Variants in ARMCX4 observed in about 807,000 individuals in gnomAD.
ARMCX4 encodes armadillo repeat-containing X-linked protein 4.
A neutral mutation model predicts 34.7 loss-of-function variants in ARMCX4; 3 were observed. The observed-to-expected ratio is 0.09, with a 90% CI of 0.04 to 0.22. The LOEUF is 0.22. Ranked by LOEUF, ARMCX4 falls within the 10% of genes least tolerant of loss-of-function variation. The pLI is 1.00. For missense variants in ARMCX4, 1,448 were observed against 1,720.8 expected, an observed-to-expected ratio of 0.84 and a Z score of 2.81; for synonymous variants, 513 against 632.8, an observed-to-expected ratio of 0.81 and a Z score of 2.84.
intron 3 of ARMCX4, among the ~76,000 whole-genome samples, chrX:101,445,286 TC>T (rs1256790378): frequency 1.2e-4 from 13 of 111,647 alleles, no homozygotes; most frequent in African/African-American, 2.9e-4. Context: ...CAGTCAAAGC[TC>T]CCCCCACTAT....
chrX:101,461,061 A>T (rs782213806), intron 4 of ARMCX4, among the ~76,000 whole-genome samples: 1 of 112,159 alleles, frequency 8.9e-6, no homozygotes, highest in Non-Finnish European at 1.9e-5. Context: ...GAACTGTTTT[A>T]TTTATTTATT....
At chrX:101,437,761 C>T (rs782371291) in intron 2 of ARMCX4, among the ~76,000 whole-genome samples, 1 of 111,836 alleles carries the variant, frequency 8.9e-6, no homozygotes, top group East Asian at 2.8e-4. Context: ...TAGATATTTC[C>T]TGCTTTCTCT....
At chrX:101,466,439 T>C (rs1932793009) in intron 4 of ARMCX4, among the ~76,000 whole-genome samples, 1 of 111,881 alleles carries the variant, frequency 8.9e-6, no homozygotes, top group Non-Finnish European at 1.9e-5. Flanking sequence ...CATGCAAATA[T>C]TTATAGCAGC....
intron 2 of ARMCX4, among the ~76,000 whole-genome samples, chrX:101,431,834 C>T (rs1168299075): frequency 1.8e-5 from 2 of 112,568 alleles, no homozygotes; most frequent in East Asian, 2.8e-4. Context: ...TGAGCCACCA[C>T]GCCTGGCCTG....
chrX:101,527,318 G>A (rs1934999768), intron 11 of ARMCX4, among the ~76,000 whole-genome samples: 1 of 111,841 alleles, frequency 8.9e-6, no homozygotes, highest in Non-Finnish European at 1.9e-5. Context: ...GAATCTCTGG[G>A]ACGCATTTAA....
intron 2 of ARMCX4, among the ~76,000 whole-genome samples, chrX:101,428,402 A>G (rs1201805959): frequency 8.9e-6 from 1 of 112,297 alleles, no homozygotes; most frequent in Admixed American, 9.5e-5. Flanking sequence ...AAGGGGCATG[A>G]AGGAATCTTA....
chrX:101,455,522 A>T (rs1232608091), intron 4 of ARMCX4, among the ~76,000 whole-genome samples: 1 of 111,441 alleles, frequency 9.0e-6, no homozygotes, highest in African/African-American at 3.3e-5. Context: ...TTACCACTAA[A>T]CTCTTTTAAA....
At chrX:101,453,324 A>G (rs1327411049) in intron 4 of ARMCX4, among the ~76,000 whole-genome samples, 6 of 112,540 alleles carry the variant, frequency 5.3e-5, no homozygotes, top group African/African-American at 9.7e-5. Flanking sequence ...TCTGAGCTCC[A>G]TGGCTCTAAG....
intron 2 of ARMCX4, among the ~76,000 whole-genome samples, chrX:101,421,128 G>A (rs1014650881): frequency 1.1e-4 from 12 of 106,910 alleles, no homozygotes; most frequent in African/African-American, 4.1e-4. Context: ...GCTTGAACCC[G>A]GGAGGCAGAG....
chrX:101,456,367 G>A (rs1932282478), intron 4 of ARMCX4, among the ~76,000 whole-genome samples: 1 of 111,139 alleles, frequency 9.0e-6, no homozygotes, highest in Non-Finnish European at 1.9e-5. Context: ...CATTTTGACT[G>A]GTATGAGATG....
chrX:101,503,618 C>T (rs1934363555), intron 7 of ARMCX4, among the ~76,000 whole-genome samples: 1 of 112,022 alleles, frequency 8.9e-6, no homozygotes, highest in Non-Finnish European at 1.9e-5. Flanking sequence ...CCTTCGCCCA[C>T]TTTTTGATGG....
intron 2 of ARMCX4, among the ~76,000 whole-genome samples, chrX:101,441,851 T>C (rs1311645726): frequency 9.0e-6 from 1 of 111,508 alleles, no homozygotes; most frequent in African/African-American, 3.3e-5. Flanking sequence ...ACATCAGTAG[T>C]ACTTGGACCT....
chrX:101,504,977 T>A (rs371048167), exon 8 of ARMCX4: 2 of 111,608 alleles, frequency 1.8e-5, no homozygotes, highest in East Asian at 2.8e-4. Flanking sequence ...GGATTAATCC[T>A]GATTTGAACT....
At chrX:101,448,052 G>A (rs1182706629), downstream of ARMCX4, among the ~76,000 whole-genome samples, 1 of 111,141 alleles carries the variant, frequency 9.0e-6, no homozygotes, top group Non-Finnish European at 1.9e-5. Context: ...GAGCTTAATT[G>A]TTTTAATTTT....
At chrX:101,511,595 A>G (rs1221736997) in intron 11 of ARMCX4, among the ~76,000 whole-genome samples, 1 of 111,318 alleles carries the variant, frequency 9.0e-6, no homozygotes, top group East Asian at 2.8e-4. Context: ...GGAGGGATCC[A>G]GTTATATCAT....
At chrX:101,517,424 C>G (rs781786710) in intron 11 of ARMCX4, among the ~76,000 whole-genome samples, 12 of 111,397 alleles carry the variant, frequency 1.1e-4, no homozygotes, top group Non-Finnish European at 1.7e-4. Context: ...TTCACTGCAG[C>G]CTTGACCTCC....
In ARMCX4 at chrX:101,492,595, G is replaced by T; in HGVS notation, c.4006G>T (p.Ala1336Ser). The T allele has an allele frequency of 2.7e-6, 3 of 1,129,726 alleles. No homozygotes were observed. The highest frequency in any genetic ancestry group is 3.5e-6 in the Non-Finnish European group (3 of 859,229). 93.1% of individuals were successfully genotyped at this position (1,129,726 alleles called of 1,213,427 possible). ...GTCCTGGGCTGGGGCTGGTGGCCAG[G>T]CTAGTGGAGGGTCAATGTTGGGGCC... ...EGSWAGAGGQ[A>S]SGGSMLGPED... The change falls in exon 6 of 6, where the codon GCT becomes TCT. Residue 1336 changes from alanine (A) to serine (S), a missense_variant. Ala to Ser is a moderately conservative substitution (Grantham distance 99). Transcript: ENST00000423738.
intron 7 of ARMCX4, among the ~76,000 whole-genome samples, chrX:101,501,595 A>AT (rs201494771): frequency 0.024 from 2,649 of 112,491 alleles, 74 homozygotes; most frequent in African/African-American, 0.08. Flanking sequence ...GGAGCAGCAG[A>AT]GGGAGCAGTA....
At chrX:101,436,686 A>G (rs1271133805) in intron 2 of ARMCX4, among the ~76,000 whole-genome samples, 1 of 111,412 alleles carries the variant, frequency 9.0e-6, no homozygotes, top group Non-Finnish European at 1.9e-5. Context: ...ACTATGTTGA[A>G]TAGGAGTGGT....
Sources: allele counts gnomAD v4.1 joint callset (sites outside exome capture counted in the v4.1 genomes callset), GRCh38; gene constraint gnomAD v4.1.1; transcripts MANE v1.5; gene names NCBI Gene and HGNC (gene_info 2026-07-23, HGNC 2026-07-21).